MNS1: variants seen among roughly 807,000 people sequenced by gnomAD.
The protein encoded by MNS1 is meiosis specific nuclear structural 1.
In MNS1, 63 loss-of-function variants were observed where a neutral mutation model predicts 72.0. That is an observed-to-expected ratio of 0.87 (90% CI 0.71 to 1.08). The LOEUF (loss-of-function observed/expected upper bound fraction) is 1.08, where lower values mean the gene tolerates loss of function less well. Ranked by LOEUF, MNS1 falls within the 50% of genes least tolerant of loss-of-function variation. The pLI is 0.00. For missense variants in MNS1, 604 were observed against 562.4 expected (o/e 1.07, Z -0.75); for synonymous variants, 188 against 172.1 (o/e 1.09, Z -0.72).
At chr15:56,450,222 C>CT (rs1252841273) in intron 3 of MNS1, among the ~76,000 whole-genome samples, 4 of 151,880 alleles carry the variant, frequency 2.6e-5, no homozygotes, top group Non-Finnish European at 5.9e-5. Flanking sequence ...AAGTTGGTTT[C>CT]TTTTTTTTCA....
At chr15:56,452,353 G>A (rs983526397) in intron 3 of MNS1, among the ~76,000 whole-genome samples, 1 of 152,116 alleles carries the variant, frequency 6.6e-6, no homozygotes, top group Non-Finnish European at 1.5e-5. Flanking sequence ...GAGTTGTGAC[G>A]TGTGAAATGC....
At chr15:56,448,692 A>G (rs2140366767) in intron 3 of MNS1, among the ~76,000 whole-genome samples, 1 of 151,984 alleles carries the variant, frequency 6.6e-6, no homozygotes, top group East Asian at 1.9e-4. Context: ...ACAGCAATAA[A>G]CATATAAATG....
Position 56,460,009 on chromosome 15 carries a change from A to AAAAAAAAAATATATATATATATAT in MNS1, c.226-3489_226-3488insATATATATATATATATTTTTTTTT. Among the ~76,000 whole-genome samples the AAAAAAAAAATATATATATATATAT allele has an allele frequency of 6.1e-4, 16 of 26,374 alleles. 1 individual carries two copies. Among genetic ancestry groups the AAAAAAAAAATATATATATATATAT allele is most frequent in the Non-Finnish European group, 8.4e-4 (12 of 14,298 alleles). The allele number at this position is 26,374 out of a possible 152,430, so 17.3% of individuals were successfully genotyped here. A position where few individuals can be genotyped will look rare whatever the true frequency, so the allele number is the denominator to read the frequency against. On this transcript the variant is annotated intron_variant, in intron 2 of 9. Transcript: ENST00000260453. ...CTGTCTCAAAAAAAAAAAAAAAAAA[A>AAAAAAAAAATATATATATATATAT]ATACATATATATATATATATATATA...
At chr15:56,456,857 A>G (rs1289836219) in intron 2 of MNS1, among the ~76,000 whole-genome samples, 1 of 152,100 alleles carries the variant, frequency 6.6e-6, no homozygotes, top group Non-Finnish European at 1.5e-5. Context: ...GGTGTTTTAA[A>G]ACAATCCTAG....
chr15:56,446,989 G>A (rs775109221), intron 3 of MNS1, 46 bp from the exon 4 acceptor site: 8 of 1,335,986 alleles, frequency 6.0e-6, no homozygotes, highest in Non-Finnish European at 8.4e-6. Flanking sequence ...GACCATAAGA[G>A]AATGAAAACC....
At chr15:56,443,584 T>C in intron 6 of MNS1, 47 bp from the exon 7 acceptor site, 1 of 1,585,462 alleles carries the variant, frequency 6.3e-7, no homozygotes, top group East Asian at 2.2e-5. Context: ...ATCCAAATTC[T>C]GTAACTAATA....
At chr15:56,449,766 T>TA (rs1359056650) in intron 3 of MNS1, among the ~76,000 whole-genome samples, 4 of 152,228 alleles carry the variant, frequency 2.6e-5, no homozygotes, top group African/African-American at 9.6e-5. Flanking sequence ...TATTTCTTCT[T>TA]GTGCCAATCA....
chr15:56,429,264 AGACAT>A (rs1330858827), intron 9 of MNS1, 71 bp from the exon 10 acceptor site: 4 of 973,410 alleles, frequency 4.1e-6, no homozygotes. Context: ...TAAGACTGAC[AGACAT>A]AAGATTAGTA....
intron 3 of MNS1, among the ~76,000 whole-genome samples, chr15:56,454,043 G>A (rs900861926): frequency 6.6e-6 from 1 of 151,064 alleles, no homozygotes. Flanking sequence ...AATATGGCTT[G>A]TGCACAAAAT....
At chr15:56,453,161 C>T (rs2050959386) in intron 3 of MNS1, among the ~76,000 whole-genome samples, 1 of 152,014 alleles carries the variant, frequency 6.6e-6, no homozygotes, top group Non-Finnish European at 1.5e-5. Flanking sequence ...CATTTACTTC[C>T]TATCTCATTT....
intron 9 of MNS1, among the ~76,000 whole-genome samples, chr15:56,430,944 T>C (rs2050573939): frequency 6.6e-6 from 1 of 152,182 alleles, no homozygotes; most frequent in African/African-American, 2.4e-5. Context: ...ATGGATCACC[T>C]GAGGCCAAGA....
chr15:56,439,095 G>A (rs2050777025), intron 7 of MNS1, among the ~76,000 whole-genome samples: 1 of 152,126 alleles, frequency 6.6e-6, no homozygotes, highest in South Asian at 2.1e-4. Flanking sequence ...CAGCAAGGTT[G>A]TGAGATACAA....
chr15:56,437,839 C>G (rs2050754463), intron 7 of MNS1, among the ~76,000 whole-genome samples: 1 of 152,026 alleles, frequency 6.6e-6, no homozygotes, highest in South Asian at 2.1e-4. Flanking sequence ...GACAGAGAGC[C>G]AAATCATGAG....
At chr15:56,461,966 T>TTTG (rs796965481) in intron 2 of MNS1, among the ~76,000 whole-genome samples, 2,544 of 78,102 alleles carry the variant, frequency 0.033, 133 homozygotes, top group African/African-American at 0.11. Flanking sequence ...AAAGTGTTTT[T>TTTG]TTGTTGTTGT....
intron 7 of MNS1, 49 bp from the exon 8 acceptor site, chr15:56,434,444 G>C (rs1322771986): frequency 2.6e-6 from 4 of 1,522,358 alleles, no homozygotes; most frequent in Non-Finnish European, 2.7e-6. Flanking sequence ...CCTTACACCA[G>C]ATTTATAAGG....
chr15:56,437,822 A>G (rs1323757233), intron 7 of MNS1, among the ~76,000 whole-genome samples: 1 of 152,168 alleles, frequency 6.6e-6, no homozygotes, highest in African/African-American at 2.4e-5. Context: ...TACACCAATA[A>G]CAGACAGACA....
At chr15:56,453,015 G>A (rs183889035) in intron 3 of MNS1, among the ~76,000 whole-genome samples, 88 of 152,072 alleles carry the variant, frequency 5.8e-4, no homozygotes, top group South Asian at 1.7e-3. Flanking sequence ...TCCTATTATC[G>A]TATTTTATTC....
At chr15:56,454,306 T>C (rs997258527) in intron 3 of MNS1, among the ~76,000 whole-genome samples, 4 of 152,198 alleles carry the variant, frequency 2.6e-5, no homozygotes, top group Non-Finnish European at 5.9e-5. Flanking sequence ...AATCATATCA[T>C]GGAAAATGGG....
intron 2 of MNS1, among the ~76,000 whole-genome samples, chr15:56,463,006 G>T (rs1429364584): frequency 6.6e-6 from 1 of 151,980 alleles, no homozygotes; most frequent in African/African-American, 2.4e-5. Flanking sequence ...ACAGAAGGGT[G>T]GATATCATTT....
Sources: allele counts gnomAD v4.1 joint callset (sites outside exome capture counted in the v4.1 genomes callset), GRCh38; gene constraint gnomAD v4.1.1; transcripts MANE v1.5; gene names NCBI Gene and HGNC (gene_info 2026-07-23, HGNC 2026-07-21).